The following LDLRAD4 variants were observed in gnomAD, a reference collection of about 807,000 sequenced individuals.
LDLRAD4 encodes low-density lipoprotein receptor class A domain-containing protein 4.
In LDLRAD4, 5 loss-of-function variants were observed where a neutral mutation model predicts 17.0. The ratio of observed to expected loss-of-function variants is 0.29; its 90% CI spans 0.15 to 0.62. The LOEUF (loss-of-function observed/expected upper bound fraction) is 0.62, where lower values mean the gene tolerates loss of function less well. Ranked by LOEUF, LDLRAD4 falls within the 20% of genes least tolerant of loss-of-function variation. The probability of loss-of-function intolerance (pLI) is 0.84; values close to 1 mark genes in which losing one functional copy is unlikely to be tolerated. For missense variants in LDLRAD4, 340 were observed against 424.7 expected (o/e 0.80, Z 1.75); for synonymous variants, 168 against 171.8 (o/e 0.98, Z 0.17).
intron 3 of LDLRAD4, among the ~76,000 whole-genome samples, chr18:13,532,415 T>G (rs376617938): frequency 1.1e-4 from 16 of 152,290 alleles, no homozygotes; most frequent in African/African-American, 3.8e-4. Flanking sequence ...TAGGATTTGG[T>G]GATCTGAGTT....
chr18:13,515,316 T>G (rs926204242), intron 3 of LDLRAD4: 1 of 152,260 alleles, frequency 6.6e-6, no homozygotes, highest in African/African-American at 2.4e-5. Flanking sequence ...TTTCTGACTT[T>G]GCTTTTTGAA....
chr18:13,542,668 C>A (rs1037403200), intron 3 of LDLRAD4, among the ~76,000 whole-genome samples: 2 of 152,162 alleles, frequency 1.3e-5, no homozygotes, highest in South Asian at 4.1e-4. Flanking sequence ...GGAGGCGGGG[C>A]GGGCGGAGGT....
chr18:13,268,091 T>C (rs2044322288), intron 1 of LDLRAD4, among the ~76,000 whole-genome samples: 1 of 152,198 alleles, frequency 6.6e-6, no homozygotes, highest in Non-Finnish European at 1.5e-5. Flanking sequence ...TGGAGAGATA[T>C]TTTCCTCTTA....
chr18:13,474,772 T>A (rs567769703), intron 3 of LDLRAD4, among the ~76,000 whole-genome samples: 2 of 152,194 alleles, frequency 1.3e-5, no homozygotes, highest in Admixed American at 6.5e-5. Context: ...CAACAAAAGG[T>A]CTTTGTCTCC....
chr18:13,504,754 A>C (rs954726222), intron 3 of LDLRAD4, among the ~76,000 whole-genome samples: 1 of 152,166 alleles, frequency 6.6e-6, no homozygotes, highest in Non-Finnish European at 1.5e-5. Flanking sequence ...TAGAATACAC[A>C]CTTTCTCTTC....
Position 13,438,403 on chromosome 18 carries a change from C to G in LDLRAD4, c.181+19C>G. 6.2e-7 allele frequency: 1 copy of G among 1,609,340 alleles called. No homozygotes were observed. Among genetic ancestry groups the G allele is most frequent in the Non-Finnish European group, 8.5e-7 (1 of 1,176,508 alleles). On this transcript the variant is annotated intron_variant, in intron 3 of 5. Coordinates refer to ENST00000359446, the Ensembl canonical transcript of LDLRAD4. ...TTCAACTGTAAGTCTCTCCTCCCACCTGGGTGGCACTGTCTGATGTGGTTC... is the reference window on the plus strand; with the variant it reads ...TTCAACTGTAAGTCTCTCCTCCCACGTGGGTGGCACTGTCTGATGTGGTTC...
chr18:13,638,940 A>G (rs1457783559), intron 4 of LDLRAD4, among the ~76,000 whole-genome samples: 1 of 152,178 alleles, frequency 6.6e-6, no homozygotes, highest in African/African-American at 2.4e-5. Context: ...AGTATTCCGT[A>G]CATGTATAGT....
intron 1 of LDLRAD4, among the ~76,000 whole-genome samples, chr18:13,230,051 G>T (rs1443646261): frequency 6.6e-6 from 1 of 152,156 alleles, no homozygotes; most frequent in African/African-American, 2.4e-5. Flanking sequence ...TTGAGCGATG[G>T]GGCTTCTAGG....
chr18:13,516,572 TC>T (rs2093870233), intron 3 of LDLRAD4, among the ~76,000 whole-genome samples: 1 of 152,218 alleles, frequency 6.6e-6, no homozygotes, highest in South Asian at 2.1e-4. Flanking sequence ...ATTTGAAATT[TC>T]GTTTATTTCT....
At chr18:13,289,959 G>A (rs1026297019) in intron 1 of LDLRAD4, among the ~76,000 whole-genome samples, 1 of 152,200 alleles carries the variant, frequency 6.6e-6, no homozygotes. Flanking sequence ...TGGATGTTCC[G>A]GTCAGGACAG....
At chr18:13,387,744 G>T (rs745489896) in exon 2 of LDLRAD4, 8 of 1,613,872 alleles carry the variant, frequency 5.0e-6, no homozygotes, top group Non-Finnish European at 6.8e-6. Context: ...TGGTTTTCAG[G>T]CCACAAATGC....
At chr18:13,229,858 A>G (rs2041986888) in intron 1 of LDLRAD4, among the ~76,000 whole-genome samples, 1 of 152,210 alleles carries the variant, frequency 6.6e-6, no homozygotes, top group Non-Finnish European at 1.5e-5. Context: ...GCTAACAACC[A>G]TACCAGGGAG....
chr18:13,454,177 CAG>C (rs1187407462), intron 3 of LDLRAD4, among the ~76,000 whole-genome samples: 8 of 152,310 alleles, frequency 5.3e-5, no homozygotes, highest in African/African-American at 1.9e-4. Flanking sequence ...CAAGCAGACT[CAG>C]TGTTCACGTG....
exon 6 of LDLRAD4, chr18:13,650,110 A>T: frequency 2.5e-6 from 1 of 398,754 alleles, no homozygotes; most frequent in Non-Finnish European, 4.4e-6. Flanking sequence ...AGATGTGAAC[A>T]GACAATGGAA....
At chr18:13,232,494 T>C (rs1344574446) in intron 1 of LDLRAD4, among the ~76,000 whole-genome samples, 8 of 151,064 alleles carry the variant, frequency 5.3e-5, no homozygotes, top group Admixed American at 3.3e-4. Context: ...GGGCTGCTGC[T>C]GCCCCGTGCT....
chr18:13,604,185 C>T (rs576099215), intron 3 of LDLRAD4, among the ~76,000 whole-genome samples: 25 of 152,284 alleles, frequency 1.6e-4, no homozygotes, highest in Non-Finnish European at 3.5e-4. Context: ...TGGAATGTGC[C>T]TTGACTTTAT....
Position 13,322,061 on chromosome 18 carries a change from C to T in LDLRAD4, c.-383+43873C>T, listed in dbSNP as rs973154214. On this transcript the variant is annotated intron_variant, in intron 1 of 5. Coordinates refer to ENST00000359446, the Ensembl canonical transcript of LDLRAD4. ...TTGAAACACAGAAAATATTAATTCA[C>T]AGCATAGAAAACTTTATCCTAAGAA... Among the ~76,000 whole-genome samples, 9 of 151,258 alleles carry T rather than the reference C, an allele frequency of 6.0e-5. No individual in the cohort carries two copies. In the East Asian group the frequency reaches 1.7e-3, roughly 29 times the overall value.
At chr18:13,402,317 T>G (rs949218176) in intron 2 of LDLRAD4, among the ~76,000 whole-genome samples, 1 of 152,182 alleles carries the variant, frequency 6.6e-6, no homozygotes, top group African/African-American at 2.4e-5. Flanking sequence ...TGACCCGAAC[T>G]CACACTTCTC....
At chr18:13,469,742 C>CT (rs147199165) in intron 3 of LDLRAD4, among the ~76,000 whole-genome samples, 6,771 of 152,246 alleles carry the variant, frequency 0.044, 200 homozygotes, top group South Asian at 0.13. Flanking sequence ...TGAGACTTTA[C>CT]TGCTTGATGG....
Sources: gnomAD v4.1 joint callset for allele counts (sites outside exome capture counted in the v4.1 genomes callset) on GRCh38, gnomAD v4.1.1 for gene constraint, MANE v1.5 for transcripts, NCBI Gene and HGNC (gene_info 2026-07-23, HGNC 2026-07-21) for gene names.